The following C1orf105 variants were observed in gnomAD, a reference collection of about 807,000 sequenced individuals.
C1orf105 encodes the protein uncharacterized protein C1orf105.
In C1orf105, 17 loss-of-function variants were observed where a neutral mutation model predicts 20.8. The observed-to-expected ratio is 0.82, with a 90% CI of 0.56 to 1.23. C1orf105 has a LOEUF of 1.23. C1orf105 is among the 50% of genes most tolerant of loss of function. The pLI, the probability that C1orf105 is intolerant of heterozygous loss-of-function variation, is 0.00. For missense variants in C1orf105, 219 were observed against 213.5 expected (o/e 1.03, Z -0.16); for synonymous variants, 72 against 72.1 (o/e 1.00, Z 0.01).
In C1orf105 at chr1:172,450,426, G is replaced by A. The variant is rs74126222; in HGVS notation, c.198+1895G>A. ...GAATCTGGCTCCCAGAGTCTACTGC[G>A]TGTATGAAGGCCTGCACGTATGTGC... On this transcript the variant is annotated intron_variant, in intron 3 of 6. Transcript: ENST00000367727. Among the ~76,000 whole-genome samples the A allele has an allele frequency of 3.1e-3, 474 of 152,356 alleles. 2 individuals carry two copies. The highest frequency in any genetic ancestry group is 0.011 in the African/African-American group (440 of 41,572).
At chr1:172,437,583 G>A (rs1294562577) in intron 1 of C1orf105, among the ~76,000 whole-genome samples, 5 of 120,310 alleles carry the variant, frequency 4.2e-5, no homozygotes, top group South Asian at 7.3e-4. Flanking sequence ...GGGGCCTGCC[G>A]GGGGGTGGGG....
chr1:172,466,568 TCACATACA>T (rs1402149404), intron 6 of C1orf105, among the ~76,000 whole-genome samples: 1 of 119,526 alleles, frequency 8.4e-6, no homozygotes, highest in African/African-American at 3.6e-5. Flanking sequence ...AAGGAATGAA[TCACATACA>T]CACACACACA....
intron 6 of C1orf105, among the ~76,000 whole-genome samples, chr1:172,466,595 C>T (rs1650076514): frequency 6.6e-6 from 1 of 150,986 alleles, no homozygotes; most frequent in Non-Finnish European, 1.5e-5. Flanking sequence ...CACACACACA[C>T]ACACACACAC....
chr1:172,430,267 C>CT (rs1460580258), intron 1 of C1orf105: 6 of 695,914 alleles, frequency 8.6e-6, no homozygotes, highest in Non-Finnish European at 1.6e-5. Flanking sequence ...AACTGTCATA[C>CT]TACTTTATAC....
At chr1:172,459,592 A>C (rs1401742841) in intron 4 of C1orf105, among the ~76,000 whole-genome samples, 1 of 152,152 alleles carries the variant, frequency 6.6e-6, no homozygotes, top group Non-Finnish European at 1.5e-5. Context: ...AAGCCTCAAA[A>C]ATTGCTGATG....
intron 3 of C1orf105, chr1:172,453,124 C>G (rs1648842780): frequency 1.9e-6 from 3 of 1,550,836 alleles, no homozygotes; most frequent in Admixed American, 3.9e-5. Flanking sequence ...TGCCCTCATC[C>G]CTTCTCCAGA....
intron 1 of C1orf105, among the ~76,000 whole-genome samples, chr1:172,438,119 CTGCTCAGAAAAAAAAAAGATTCCTT>C: frequency 6.8e-6 from 1 of 146,870 alleles, no homozygotes; most frequent in East Asian, 1.9e-4. Context: ...GTTGAGCCTA[CTGCTCAGAAAAAAAAAAGATTCCTT>C]TCAAAATATT....
At chr1:172,447,927 G>A (rs1648193652) in intron 2 of C1orf105, among the ~76,000 whole-genome samples, 1 of 152,226 alleles carries the variant, frequency 6.6e-6, no homozygotes, top group Non-Finnish European at 1.5e-5. Flanking sequence ...AGGAACTGGT[G>A]TTCTTGCAAC....
intron 1 of C1orf105, among the ~76,000 whole-genome samples, chr1:172,438,283 G>A (rs554115412): frequency 6.6e-6 from 1 of 152,358 alleles, no homozygotes; most frequent in Admixed American, 6.5e-5. Context: ...AGCTGCCATA[G>A]ATAGTGATTC....
chr1:172,435,141 G>C (rs1037607702), intron 1 of C1orf105, among the ~76,000 whole-genome samples: 1 of 152,180 alleles, frequency 6.6e-6, no homozygotes, highest in Non-Finnish European at 1.5e-5. Context: ...GGACCAGATG[G>C]ATTCACAGCC....
chr1:172,444,122 C>G (rs933410529), intron 1 of C1orf105: 1 of 991,216 alleles, frequency 1.0e-6, no homozygotes, highest in Non-Finnish European at 1.2e-6. Flanking sequence ...CACCCTTCCC[C>G]GGCTGGAACC....
At chr1:172,440,941 C>G (rs1169638752) in intron 1 of C1orf105, among the ~76,000 whole-genome samples, 2 of 152,218 alleles carry the variant, frequency 1.3e-5, no homozygotes, top group African/African-American at 2.4e-5. Context: ...CAGTTGCCAT[C>G]AGTCACACAA....
intron 5 of C1orf105, 26 bp from the exon 6 acceptor site, chr1:172,465,273 T>A (rs200068876): frequency 1.0e-3 from 1,574 of 1,541,774 alleles, no homozygotes; most frequent in Non-Finnish European, 1.4e-3. Context: ...AATTGACTAA[T>A]GTGTTTTCTT....
intron 3 of C1orf105, among the ~76,000 whole-genome samples, chr1:172,449,365 G>A (rs918539357): frequency 3.3e-5 from 5 of 152,100 alleles, no homozygotes; most frequent in African/African-American, 1.2e-4. Flanking sequence ...AGAGAAGGTG[G>A]GAGCAAAGGT....
intron 1 of C1orf105, among the ~76,000 whole-genome samples, chr1:172,438,843 A>T (rs2072126013): frequency 6.6e-6 from 1 of 152,204 alleles, no homozygotes; most frequent in African/African-American, 2.4e-5. Flanking sequence ...AGCCTTCAGC[A>T]CCTACCACCC....
At chr1:172,445,049 A>G in intron 1 of C1orf105, 24 bp from the exon 2 acceptor site, 2 of 1,580,166 alleles carry the variant, frequency 1.3e-6, no homozygotes, top group Non-Finnish European at 1.7e-6. Context: ...TATATTCTGT[A>G]AAATGTTCTC....
chr1:172,424,624 C>A (rs946631587), intron 1 of C1orf105, among the ~76,000 whole-genome samples: 5 of 152,196 alleles, frequency 3.3e-5, no homozygotes, highest in African/African-American at 1.2e-4. Flanking sequence ...CTCCTGACCT[C>A]AAGTGATCTG....
intron 3 of C1orf105, among the ~76,000 whole-genome samples, chr1:172,453,664 C>T (rs1648911695): frequency 6.6e-6 from 1 of 152,168 alleles, no homozygotes; most frequent in Admixed American, 6.5e-5. Context: ...ATGTGTAAAA[C>T]ATGATTCTTG....
At position 172,434,415 on chromosome 1, in the gene C1orf105, A is replaced by G. The variant is rs558854709; in HGVS notation, c.22-10658A>G. Among the ~76,000 whole-genome samples the G allele has an allele frequency of 5.2e-5, 8 of 152,390 alleles. No individual in the cohort carries two copies. In the South Asian group the frequency reaches 1.7e-3, roughly 32 times the overall value. On this transcript the variant is annotated intron_variant, in intron 1 of 6. Coordinates refer to ENST00000367727, the MANE Select transcript of C1orf105 (RefSeq NM_139240.4). ...CACAACAAACTGTCTCTCAGACCAC[A>G]GTGCAATCAAATTAGAACTCAGGAT...
Sources: allele counts gnomAD v4.1 joint callset (sites outside exome capture counted in the v4.1 genomes callset), GRCh38; gene constraint gnomAD v4.1.1; transcripts MANE v1.5; gene names NCBI Gene and HGNC (gene_info 2026-07-23, HGNC 2026-07-21).